Variants in ACSL3 observed in about 807,000 individuals in gnomAD.
ACSL3 encodes acyl-CoA synthetase long chain family member 3.
ACSL3 carries 34 observed loss-of-function variants against 84.7 expected under a neutral mutation model. That is an observed-to-expected ratio of 0.40 (90% CI 0.31 to 0.53). ACSL3 has a LOEUF of 0.53. Ranked by LOEUF, ACSL3 falls within the 20% of genes least tolerant of loss-of-function variation. ACSL3 has a pLI of 0.48. For missense variants in ACSL3, 680 were observed against 873.1 expected (o/e 0.78, Z 2.79); for synonymous variants, 315 against 299.4 (o/e 1.05, Z -0.54).
At chr2:222,918,337 A>G (rs890240374) in intron 6 of ACSL3, among the ~76,000 whole-genome samples, 182 bp downstream of exon 6, 2 of 152,236 alleles carry the variant, frequency 1.3e-5, no homozygotes, top group East Asian at 3.9e-4. Context: ...ATATTCATGT[A>G]TAAGTAATCC....
At chr2:222,873,821 A>G (rs993782800) in intron 1 of ACSL3, among the ~76,000 whole-genome samples, 3 of 152,252 alleles carry the variant, frequency 2.0e-5, no homozygotes, top group Non-Finnish European at 4.4e-5. Flanking sequence ...ATTATTATAA[A>G]TAGCAAATGG....
At chr2:222,917,941 GT>G (rs1696628053) in intron 5 of ACSL3, 104 bp from the exon 6 acceptor site, 2 of 787,756 alleles carry the variant, frequency 2.5e-6, no homozygotes, top group Non-Finnish European at 2.1e-6. Flanking sequence ...GGATTTAACA[GT>G]TTAGGGCTCC....
At chr2:222,909,223 C>T in intron 4 of ACSL3, 73 bp downstream of exon 4, 3 of 1,421,534 alleles carry the variant, frequency 2.1e-6, no homozygotes, top group Non-Finnish European at 2.9e-6. Context: ...AAAGGGCAAG[C>T]ACAGCCTGCC....
Position 222,931,751 on chromosome 2 carries a change from G to A in ACSL3, c.1732+939G>A, listed in dbSNP as rs143863758. On this transcript the variant is annotated intron_variant, in intron 14 of 16. Transcript: ENST00000357430. Reference sequence around the variant, plus strand: ...GTCTCCTAGAAGCTCAGTTCAGGGTGCCCCTGTTAACATTGTTCCCCTCTT... The same window carrying A: ...GTCTCCTAGAAGCTCAGTTCAGGGTACCCCTGTTAACATTGTTCCCCTCTT... 2.3e-4 allele frequency among the ~76,000 whole-genome samples: 35 copies of A among 152,254 alleles called. No homozygotes were observed. In the East Asian group the frequency reaches 6.0e-3, roughly 26 times the overall value.
At chr2:222,909,885 T>C (rs527746048) in intron 4 of ACSL3, 1 of 151,792 alleles carries the variant, frequency 6.6e-6, no homozygotes, top group Admixed American at 6.6e-5. Context: ...GTTATTATTT[T>C]CACTTTACAG....
intron 4 of ACSL3, among the ~76,000 whole-genome samples, chr2:222,913,189 C>T (rs1386736627): frequency 6.6e-6 from 1 of 152,142 alleles, no homozygotes; most frequent in African/African-American, 2.4e-5. Flanking sequence ...CTATGACATT[C>T]CTTCTAAATT....
intron 3 of ACSL3, among the ~76,000 whole-genome samples, chr2:222,902,644 C>T (rs1347427188): frequency 2.0e-5 from 3 of 152,178 alleles, no homozygotes; most frequent in African/African-American, 7.2e-5. Context: ...CATGTGGACA[C>T]ATTGAAGGAT....
rs866635154 is a variant in ACSL3, at chr2:222,883,410, C to T, written c.-206-4420C>T. On this transcript the variant is annotated intron_variant, in intron 1 of 16. Transcript: ENST00000357430. ...ATTGGTCATGCTGGTCTCGAACTCC[C>T]GACCTCAGGTGATCTGCCTGCCTCG... Among the ~76,000 whole-genome samples the T allele has an allele frequency of 3.5e-4, 53 of 152,026 alleles. 1 individual carries two copies. Among genetic ancestry groups the T allele is most frequent in the Middle Eastern group, 6.8e-3 (2 of 294 alleles).
chr2:222,900,414 C>T (rs990653570), intron 2 of ACSL3, among the ~76,000 whole-genome samples: 3 of 152,154 alleles, frequency 2.0e-5, no homozygotes, highest in Non-Finnish European at 4.4e-5. Context: ...GCATTCTCAT[C>T]CTTCTCTTTA....
intron 4 of ACSL3, among the ~76,000 whole-genome samples, chr2:222,912,682 T>C (rs1406434748): frequency 2.0e-5 from 3 of 152,154 alleles, no homozygotes; most frequent in Non-Finnish European, 4.4e-5. Flanking sequence ...ACAGTCTATT[T>C]TGAGGTCCTG....
intron 1 of ACSL3, among the ~76,000 whole-genome samples, chr2:222,867,337 T>C (rs1174565522): frequency 1.3e-5 from 2 of 152,222 alleles, no homozygotes; most frequent in African/African-American, 2.4e-5. Flanking sequence ...TCATAAAATT[T>C]AATCCACTTA....
intron 2 of ACSL3, among the ~76,000 whole-genome samples, chr2:222,894,962 T>G (rs1332296194): frequency 6.6e-6 from 1 of 152,110 alleles, no homozygotes; most frequent in Non-Finnish European, 1.5e-5. Context: ...TTTCCAAGTT[T>G]TATCTTCAGA....
intron 4 of ACSL3, among the ~76,000 whole-genome samples, chr2:222,911,750 A>G (rs1178411276): frequency 6.6e-6 from 1 of 152,264 alleles, no homozygotes; most frequent in Admixed American, 6.5e-5. Context: ...TGGACAAAAT[A>G]AAATCCTAGA....
chr2:222,934,705 C>G lies in ACSL3; in HGVS notation c.2005+18C>G. 1 of 1,600,826 alleles carries G rather than the reference C, an allele frequency of 6.2e-7. No individual in the cohort carries two copies. Among genetic ancestry groups the G allele is most frequent in the South Asian group, 1.2e-5 (1 of 86,210 alleles). On this transcript the variant is annotated intron_variant, in intron 16 of 16. Coordinates refer to ENST00000357430, the MANE Select transcript of ACSL3 (RefSeq NM_004457.5). ...TATTTCAGGTGAGTATTCGGTTAAACTGATACTAAAAACTGAGATGGGAAG... is the reference window on the plus strand; with the variant it reads ...TATTTCAGGTGAGTATTCGGTTAAAGTGATACTAAAAACTGAGATGGGAAG...
chr2:222,898,996 AT>A (rs892413178), intron 2 of ACSL3, among the ~76,000 whole-genome samples: 12 of 152,188 alleles, frequency 7.9e-5, no homozygotes, highest in Non-Finnish European at 1.8e-4. Flanking sequence ...TGAAGAGGAC[AT>A]TTTGTCTATT....
Position 222,916,302 on chromosome 2 carries a change from T to A in ACSL3, c.379-17T>A, listed in dbSNP as rs1232020457. The A allele has an allele frequency of 1.6e-5, 23 of 1,472,298 alleles. No individual in the cohort carries two copies. The highest frequency in any genetic ancestry group is 2.1e-5 in the Non-Finnish European group (23 of 1,103,598). 91.2% of individuals were successfully genotyped at this position (1,472,298 alleles called of 1,614,324 possible). A position where few individuals can be genotyped will look rare whatever the true frequency, so the allele number is the denominator to read the frequency against. On this transcript the variant is annotated splice_polypyrimidine_tract_variant and intron_variant, in intron 4 of 16. Coordinates refer to ENST00000357430, the MANE Select transcript of ACSL3 (RefSeq NM_004457.5). ...TTATTTTGATTACATTAAAAAAATT[T>A]TTTTTTGTTTTATCAGGTTATTCTT...
intron 16 of ACSL3, among the ~76,000 whole-genome samples, chr2:222,940,395 G>A (rs1248187318): frequency 3.3e-5 from 5 of 152,010 alleles, no homozygotes; most frequent in African/African-American, 9.7e-5. Context: ...CTCTAGAGGT[G>A]TGGAGTTTAT....
intron 16 of ACSL3, among the ~76,000 whole-genome samples, chr2:222,937,648 A>G (rs1294875922): frequency 2.0e-5 from 3 of 152,092 alleles, no homozygotes; most frequent in East Asian, 3.9e-4. Flanking sequence ...TTTTCATGGA[A>G]TATCTATTTC....
rs975337839 is a variant in ACSL3 at position 222,944,227 on chromosome 2, C to T, written c.*2573C>T. 5.9e-5 allele frequency: 9 copies of T among 152,056 alleles called. No homozygotes were observed. Among genetic ancestry groups the T allele is most frequent in the African/African-American group, 2.2e-4 (9 of 41,410 alleles). 9.4% of individuals were successfully genotyped at this position (152,056 alleles called of 1,614,324 possible). A position where few individuals can be genotyped will look rare whatever the true frequency, so the allele number is the denominator to read the frequency against. On this transcript the variant is annotated 3_prime_UTR_variant, in exon 17 of 17. Coordinates refer to ENST00000357430, the MANE Select transcript of ACSL3 (RefSeq NM_004457.5). ...CTAAAGCTTGCAACTTTTTCAGCAA[C>T]GTTTAAAAATAGATTAACCTGGAAT...
Sources: gnomAD v4.1 joint callset for allele counts (sites outside exome capture counted in the v4.1 genomes callset) on GRCh38, gnomAD v4.1.1 for gene constraint, MANE v1.5 for transcripts, NCBI Gene and HGNC (gene_info 2026-07-23, HGNC 2026-07-21) for gene names.